The following RTN4 variants were observed in gnomAD, a reference collection of about 807,000 sequenced individuals.
RTN4 encodes the protein reticulon-4.
RTN4 carries 32 observed loss-of-function variants against 90.4 expected under a neutral mutation model. The ratio of observed to expected loss-of-function variants is 0.35; its 90% confidence interval spans 0.27 to 0.48. The LOEUF is 0.48. Ranked by LOEUF, RTN4 falls within the 20% of genes least tolerant of loss-of-function variation. The pLI is 0.99. For synonymous variants in RTN4, 629 were observed against 552.5 expected (o/e 1.14, Z -1.94); for missense variants, 1,706 against 1,430.2 (o/e 1.19, Z -3.11).
upstream of RTN4, among the ~76,000 whole-genome samples, chr2:55,054,706 A>G (rs1668159127): frequency 1.3e-5 from 2 of 152,310 alleles, no homozygotes; most frequent in South Asian, 2.1e-4. Context: ...GCAGTCAACC[A>G]CAGCTTTTTC....
At chr2:55,037,384 C>T (rs1265820427) in intron 1 of RTN4, among the ~76,000 whole-genome samples, 1 of 152,190 alleles carries the variant, frequency 6.6e-6, no homozygotes, top group African/African-American at 2.4e-5. Context: ...CCTTGGAAAA[C>T]AGGGACAGTT....
Position 55,022,941 on chromosome 2 carries a change from C to T in RTN4, c.3013+2145G>A, listed in dbSNP as rs563218722. Among the ~76,000 whole-genome samples the T allele has an allele frequency of 8.9e-5, 9 of 101,168 alleles. No homozygotes were observed. The East Asian group carries it at 1.6e-3, about 18-fold the overall frequency. The allele number at this position is 101,168 out of a possible 152,430, so 66.4% of individuals were successfully genotyped here. A position where few individuals can be genotyped will look rare whatever the true frequency, so the allele number is the denominator to read the frequency against. On this transcript the variant is annotated intron_variant, in intron 3 of 8. Transcript: ENST00000337526. Reference sequence around the variant, plus strand: ...CACACACACACACACCCTGCTCTCCCGCACATGCATTCTTTCTCTCCCCTA... The same window carrying T: ...CACACACACACACACCCTGCTCTCCTGCACATGCATTCTTTCTCTCCCCTA...
At chr2:55,067,051 G>A (rs1005476827) in intron 2 of RTN4, among the ~76,000 whole-genome samples, 3 of 152,076 alleles carry the variant, frequency 2.0e-5, no homozygotes, top group African/African-American at 7.2e-5. Context: ...TGTTTATAAT[G>A]TACACTGTTC....
chr2:55,033,076 C>T (rs952749610), intron 1 of RTN4, among the ~76,000 whole-genome samples: 1 of 149,318 alleles, frequency 6.7e-6, no homozygotes, highest in Non-Finnish European at 1.5e-5. Flanking sequence ...GAAAAAATGG[C>T]CTAAAATTGG....
chr2:55,040,817 T>A (rs1395269122), intron 1 of RTN4, among the ~76,000 whole-genome samples: 1 of 152,044 alleles, frequency 6.6e-6, no homozygotes, highest in Non-Finnish European at 1.5e-5. Context: ...ATATATTAAT[T>A]TTTTTCTTAA....
At chr2:55,005,918 G>T (rs185593044) in intron 3 of RTN4, among the ~76,000 whole-genome samples, 1 of 152,068 alleles carries the variant, frequency 6.6e-6, no homozygotes, top group Non-Finnish European at 1.5e-5. Flanking sequence ...TCACATCAGC[G>T]CTCAAAATGT....
At chr2:55,004,565 A>G (rs1047137035) in intron 3 of RTN4, among the ~76,000 whole-genome samples, 1 of 152,158 alleles carries the variant, frequency 6.6e-6, no homozygotes, top group Non-Finnish European at 1.5e-5. Context: ...TAAGAAGGGG[A>G]AAAGTGGGGG....
the RTN4 span, among the ~76,000 whole-genome samples, chr2:55,130,131 T>G: frequency 1.1e-4 from 17 of 152,232 alleles, no homozygotes; most frequent in Admixed American, 8.5e-4. Flanking sequence ...CATGGCTTAA[T>G]AAGTTATGGA....
rs145044576 is a variant in RTN4 at position 55,111,048 on chromosome 2, C to CAAT, written c.-214+1469_-214+1471dup. Among the ~76,000 whole-genome samples the CAAT allele has an allele frequency of 3.6e-4, 54 of 151,688 alleles. No homozygotes were observed. In the East Asian group the frequency reaches 4.3e-3, roughly 12 times the overall value. On this transcript the variant is annotated intron_variant, in intron 1 of 3. Coordinates refer to the RTN4 transcript ENST00000427710. ...TGAGTAAGACTGTGTCTCAAAATAA[C>CAAT]AATAATAATAATAATAATGTATCTC...
chr2:55,072,160 C>G (rs7419411), intron 2 of RTN4, among the ~76,000 whole-genome samples: 2 of 124,138 alleles, frequency 1.6e-5, no homozygotes, highest in South Asian at 2.6e-4. Flanking sequence ...TTTTTTTTTT[C>G]AAAAAAAAAT....
chr2:55,103,647 T>A (rs1667892017), intron 1 of RTN4, among the ~76,000 whole-genome samples: 1 of 152,122 alleles, frequency 6.6e-6, no homozygotes, highest in African/African-American at 2.4e-5. Context: ...CCTCTTTTTC[T>A]ACGTCTCACA....
chr2:55,032,671 C>T (rs1035438643), intron 1 of RTN4, among the ~76,000 whole-genome samples: 1 of 152,048 alleles, frequency 6.6e-6, no homozygotes. Context: ...AAAAAAGGAA[C>T]AGAGCCTCAG....
At chr2:55,035,823 C>A (rs569366786) in intron 1 of RTN4, among the ~76,000 whole-genome samples, 5 of 152,238 alleles carry the variant, frequency 3.3e-5, no homozygotes, top group African/African-American at 1.2e-4. Context: ...AATTAGACAA[C>A]TTAGATGAGT....
chr2:55,001,042 T>C (rs912295716), intron 3 of RTN4, among the ~76,000 whole-genome samples: 6 of 152,078 alleles, frequency 3.9e-5, no homozygotes, highest in East Asian at 1.9e-4. Flanking sequence ...AAAAAAGACA[T>C]TGGTGAATTT....
chr2:54,974,004 T>G, intron 6 of RTN4, 137 bp from the exon 7 acceptor site: 1 of 687,824 alleles, frequency 1.5e-6, no homozygotes, highest in Non-Finnish European at 2.4e-6. Flanking sequence ...TAAGGATCTC[T>G]GGATGCATCT....
intron 1 of RTN4, among the ~76,000 whole-genome samples, chr2:55,034,313 C>A (rs912026288): frequency 6.6e-6 from 1 of 151,994 alleles, no homozygotes; most frequent in Non-Finnish European, 1.5e-5. Context: ...CCAGCCCAGG[C>A]AACAAAGTGA....
Position 54,987,472 on chromosome 2 carries a change from TG to T in RTN4, c.3221+18del. 1.9e-6 allele frequency: 3 copies of T among 1,557,730 alleles called. No homozygotes were observed. The highest frequency in any genetic ancestry group is 2.7e-6 in the Non-Finnish European group (3 of 1,128,204). On this transcript the variant is annotated intron_variant, in intron 4 of 8. Transcript: ENST00000337526. ...TTTACACTATTGCCAATGCATGCCT[TG>T]TTTTCCAGACATCTCACCTGAATGG... is the stretch of plus-strand genomic sequence containing the variant.
At chr2:55,081,060 TCATTCTTTCATTCTTA>T (rs1489184442) in intron 1 of RTN4, among the ~76,000 whole-genome samples, 3 of 152,024 alleles carry the variant, frequency 2.0e-5, no homozygotes, top group African/African-American at 7.2e-5. Flanking sequence ...TTTCTTTCTT[TCATTCTTTCATTCTTA>T]CATTCTTTCT....
In RTN4 at chr2:55,026,278, A is replaced by C; in HGVS notation, c.1821T>G (p.Pro607=). Residue 607 remains proline (P), a synonymous_variant, in exon 3 of 9, where the codon CCT becomes CCG. Transcript: ENST00000337526. ...CPSFEESEAT[P]SPVLPDIVME... ...TAACAATGTCAGGCAAAACTGGTGA[A>C]GGAGTAGCTTCTGACTCTTCAAATG... 6.2e-7 allele frequency: 1 copy of C among 1,613,998 alleles called. No individual in the cohort carries two copies. The highest frequency in any genetic ancestry group is 8.5e-7 in the Non-Finnish European group (1 of 1,179,914).
Sources: allele counts gnomAD v4.1 joint callset (sites outside exome capture counted in the v4.1 genomes callset), GRCh38; gene constraint gnomAD v4.1.1; transcripts MANE v1.5; gene names NCBI Gene and HGNC (gene_info 2026-07-23, HGNC 2026-07-21).